Variants in REM1 observed in about 807,000 individuals in gnomAD.
REM1 encodes RRAD and GEM like GTPase 1.
In REM1, 20 loss-of-function variants were observed where a neutral mutation model predicts 27.0. The ratio of observed to expected loss-of-function variants is 0.74; its 90% CI spans 0.52 to 1.08. REM1 has a LOEUF of 1.08. Ranked by LOEUF, REM1 falls within the 50% of genes least tolerant of loss-of-function variation. The pLI, the probability that REM1 is intolerant of heterozygous loss-of-function variation, is 0.00. For synonymous variants in REM1, 159 were observed against 167.9 expected, an observed-to-expected ratio of 0.95 and a Z score of 0.41; for missense variants, 405 against 407.0, an observed-to-expected ratio of 1.00 and a Z score of 0.04.
intron 3 of REM1, among the ~76,000 whole-genome samples, 176 bp from the exon 4 acceptor site, chr20:31,482,107 CAGAA>C (rs1320597666): frequency 2.0e-5 from 3 of 152,194 alleles, no homozygotes; most frequent in Non-Finnish European, 4.4e-5. Context: ...AACTGAGGCT[CAGAA>C]AGAATCACCA....
At chr20:31,477,009 A>C (rs1010543153) in intron 2 of REM1, among the ~76,000 whole-genome samples, 2 of 152,200 alleles carry the variant, frequency 1.3e-5, no homozygotes, top group African/African-American at 2.4e-5. Flanking sequence ...GAATAGAACA[A>C]GAATTTTGCC....
At position 31,476,541 on chromosome 20, in the gene REM1, C is replaced by A; in HGVS notation, c.96C>A (p.Arg32=). The A allele has an allele frequency of 6.2e-7, 1 of 1,614,178 alleles. No individual in the cohort carries two copies. Among genetic ancestry groups the A allele is most frequent in the Non-Finnish European group, 8.5e-7 (1 of 1,180,014 alleles). Residue 32 remains arginine, a synonymous_variant, in exon 2 of 5, where the codon CGC becomes CGA. Coordinates refer to ENST00000201979, the MANE Select transcript of REM1 (RefSeq NM_014012.6). ...CCCCACGGGGCCACCAGCCTGGCCG[C>A]CTGAGCACAGTGCCTTCCACTCAAT... ...PLSPRGHQPG[R]LSTVPSTQSQ... is the part of the protein sequence containing the mutation.
At chr20:31,476,898 G>A (rs1980533582) in intron 2 of REM1, 113 bp downstream of exon 2, 1 of 871,628 alleles carries the variant, frequency 1.1e-6, no homozygotes, top group Non-Finnish European at 1.7e-6. Flanking sequence ...TCAACTCTAA[G>A]GGGCATCATT....
At chr20:31,484,072 C>T (rs1260822435) in intron 4 of REM1, 87 bp from the exon 5 acceptor site, 7 of 1,396,656 alleles carry the variant, frequency 5.0e-6, no homozygotes, top group Non-Finnish European at 6.6e-6. Context: ...AAATTGCTTC[C>T]AATCGAGACT....
Position 31,476,604 on chromosome 20 carries a change from C to T in REM1, c.159C>T (p.Asn53=). The T allele has an allele frequency of 1.2e-6, 2 of 1,614,172 alleles. No homozygotes were observed. Among genetic ancestry groups the T allele is most frequent in the Non-Finnish European group, 1.7e-6 (2 of 1,180,026 alleles). The change falls in exon 2 of 5, where the codon AAC becomes AAT. Residue 53 remains asparagine (N), a synonymous_variant. Coordinates refer to ENST00000201979, the MANE Select transcript of REM1 (RefSeq NM_014012.6). ...GGCTGGGCCAATCAGCCTCCCTCAA[C>T]CCTCCCACCCAGAAACCTTCACCTG... ...HPRLGQSASL[N]PPTQKPSPAP...
At chr20:31,483,429 T>C (rs1304670088) in intron 4 of REM1, among the ~76,000 whole-genome samples, 1 of 152,238 alleles carries the variant, frequency 6.6e-6, no homozygotes, top group Admixed American at 6.5e-5. Context: ...AGAACCATTA[T>C]TGGCTCCAAA....
intron 3 of REM1, among the ~76,000 whole-genome samples, chr20:31,481,167 G>C (rs1229496806): frequency 6.6e-6 from 1 of 152,140 alleles, no homozygotes; most frequent in Non-Finnish European, 1.5e-5. Context: ...CAGCTACTCA[G>C]GAAGCCGAGG....
intron 2 of REM1, among the ~76,000 whole-genome samples, chr20:31,477,152 T>C (rs1980542574): frequency 6.6e-6 from 1 of 152,094 alleles, no homozygotes; most frequent in Non-Finnish European, 1.5e-5. Flanking sequence ...GACTCTTAGA[T>C]TCTCCCAGTC....
chr20:31,480,286 G>C (rs536744503), intron 3 of REM1, among the ~76,000 whole-genome samples: 30 of 148,846 alleles, frequency 2.0e-4, no homozygotes, highest in Admixed American at 6.1e-4. Context: ...TACATACATA[G>C]ATACTACAGC....
intron 3 of REM1, among the ~76,000 whole-genome samples, 180 bp downstream of exon 3, chr20:31,478,090 C>T (rs1980589244): frequency 2.0e-5 from 3 of 152,132 alleles, no homozygotes; most frequent in Non-Finnish European, 4.4e-5. Flanking sequence ...CCCTTATGAC[C>T]CTGACCCCTT....
At chr20:31,480,889 T>C (rs913650919) in intron 3 of REM1, among the ~76,000 whole-genome samples, 17 of 152,196 alleles carry the variant, frequency 1.1e-4, no homozygotes, top group African/African-American at 4.1e-4. Flanking sequence ...AGTATGGCTG[T>C]TGAGAACTTA....
chr20:31,484,090 T>C, intron 4 of REM1, 69 bp from the exon 5 acceptor site: 1 of 1,464,570 alleles, frequency 6.8e-7, no homozygotes, highest in Non-Finnish European at 9.1e-7. Context: ...ACTAAACACA[T>C]CTCTTCCTAC....
Position 31,476,228 on chromosome 20 carries a change from T to G in REM1, c.-218T>G. The G allele has an allele frequency of 1.9e-6, 1 of 535,572 alleles. No individual in the cohort carries two copies. Among genetic ancestry groups the G allele is most frequent in the Non-Finnish European group, 3.3e-6 (1 of 305,580 alleles). The allele number at this position is 535,572 out of a possible 1,614,324, so 33.2% of individuals were successfully genotyped here. A position where few individuals can be genotyped will look rare whatever the true frequency, so the allele number is the denominator to read the frequency against. On this transcript the variant is annotated splice_region_variant and 5_prime_UTR_variant, in exon 2 of 5. Transcript: ENST00000201979. ...CTCACTCCTTCCATCCGGATCCAGG[T>G]TTATGCAGAGCCTGAGGCCAGAAAA...
chr20:31,478,887 C>T (rs1191594925), intron 3 of REM1, among the ~76,000 whole-genome samples: 7 of 150,166 alleles, frequency 4.7e-5, no homozygotes, highest in Middle Eastern at 3.4e-3. Context: ...CAGGCTGGAG[C>T]GCAGTGGCGC....
At chr20:31,476,160 A>C in intron 1 of REM1, 67 bp from the exon 2 acceptor site, 8 of 409,158 alleles carry the variant, frequency 2.0e-5, no homozygotes, top group Non-Finnish European at 3.5e-5. Context: ...AGACAAGGGA[A>C]TGGCCTCTGG....
chr20:31,484,810 CT>C lies in REM1; in HGVS notation c.*381del. On this transcript the variant is annotated 3_prime_UTR_variant, in exon 5 of 5. Transcript: ENST00000201979. ...CGGCTCTTCCAGGCGTCTCCACCTA[CT>C]GCCCTCCCATCTACACTTGACTGTA... The C allele has an allele frequency of 4.9e-6, 1 of 205,580 alleles. No homozygotes were observed. Among genetic ancestry groups the C allele is most frequent in the Non-Finnish European group, 9.7e-6 (1 of 103,540 alleles). 12.7% of individuals were successfully genotyped at this position (205,580 alleles called of 1,614,324 possible).
chr20:31,480,186 T>TA (rs1340761808), intron 3 of REM1, among the ~76,000 whole-genome samples: 1 of 117,748 alleles, frequency 8.5e-6, no homozygotes, highest in Non-Finnish European at 1.8e-5. Flanking sequence ...TCCATCTCAA[T>TA]AAAGATAGAT....
intron 3 of REM1, among the ~76,000 whole-genome samples, chr20:31,478,583 G>A (rs1980608087): frequency 6.6e-6 from 1 of 152,060 alleles, no homozygotes; most frequent in African/African-American, 2.4e-5. Context: ...TTGCTACATG[G>A]GTAATACATG....
At chr20:31,482,180 C>T (rs919505652) in intron 3 of REM1, 107 bp from the exon 4 acceptor site, 10 of 996,664 alleles carry the variant, frequency 1.0e-5, no homozygotes, top group Non-Finnish European at 1.5e-5. Flanking sequence ...CCTGTCCAAA[C>T]TATAAACCTC....
Sources: gnomAD v4.1 joint callset for allele counts (sites outside exome capture counted in the v4.1 genomes callset) on GRCh38, gnomAD v4.1.1 for gene constraint, MANE v1.5 for transcripts, NCBI Gene and HGNC (gene_info 2026-07-23, HGNC 2026-07-21) for gene names.